HS6ST3: variants seen among roughly 807,000 people sequenced by gnomAD.
HS6ST3 encodes the protein heparan sulfate 6-O-sulfotransferase 3.
A neutral mutation model predicts 36.7 loss-of-function variants in HS6ST3; 12 were observed. The ratio of observed to expected loss-of-function variants is 0.33; its 90% CI spans 0.21 to 0.53. The LOEUF is 0.53. Ranked by LOEUF, HS6ST3 falls within the 20% of genes least tolerant of loss-of-function variation. HS6ST3 has a pLI of 0.95. For missense variants in HS6ST3, 584 were observed against 640.9 expected (o/e 0.91, Z 0.96); for synonymous variants, 240 against 257.5 (o/e 0.93, Z 0.65).
intron 1 of HS6ST3, among the ~76,000 whole-genome samples, chr13:96,241,072 A>G (rs1415605623): frequency 3.9e-5 from 6 of 152,026 alleles, no homozygotes; most frequent in Non-Finnish European, 7.4e-5. Context: ...AAGCAATAGC[A>G]TTTATATTGG....
At chr13:96,173,417 T>C (rs1426160131) in intron 1 of HS6ST3, among the ~76,000 whole-genome samples, 2 of 152,154 alleles carry the variant, frequency 1.3e-5, no homozygotes, top group African/African-American at 4.8e-5. Flanking sequence ...GTGTGTGAAT[T>C]GATATGTCAT....
chr13:96,111,716 TA>T (rs1224023778), intron 1 of HS6ST3, among the ~76,000 whole-genome samples: 2 of 152,128 alleles, frequency 1.3e-5, no homozygotes, highest in African/African-American at 4.8e-5. Context: ...ATATCAGCAA[TA>T]AGCAACTAGA....
intron 1 of HS6ST3, among the ~76,000 whole-genome samples, chr13:96,215,543 G>T (rs1034972999): frequency 6.6e-6 from 1 of 152,074 alleles, no homozygotes; most frequent in Non-Finnish European, 1.5e-5. Context: ...AAAGACTTAA[G>T]GGGAAGCCAT....
rs957777577 is a variant in HS6ST3 at position 96,625,843 on chromosome 13, T to C, written c.708-206647T>C. On this transcript the variant is annotated intron_variant, in intron 1 of 1. Coordinates refer to ENST00000376705, the MANE Select transcript of HS6ST3 (RefSeq NM_153456.4). Reference sequence around the variant, plus strand: ...TTTGTAAAGAGAAATTCTTCTTCTTTTTTTTTTTTTTATTCGAGACGGAGT... The same window carrying C: ...TTTGTAAAGAGAAATTCTTCTTCTTCTTTTTTTTTTTATTCGAGACGGAGT... Among the ~76,000 whole-genome samples, 12 of 151,046 alleles carry C rather than the reference T, an allele frequency of 7.9e-5. No individual in the cohort carries two copies. The East Asian group carries it at 9.7e-4, about 12-fold the overall frequency.
At chr13:96,752,077 G>C (rs1594851914) in intron 1 of HS6ST3, among the ~76,000 whole-genome samples, 1 of 151,658 alleles carries the variant, frequency 6.6e-6, no homozygotes, top group East Asian at 1.9e-4. Context: ...ATCATTTCTT[G>C]TTTTATAAAA....
chr13:96,638,228 G>C (rs892713973), intron 1 of HS6ST3, among the ~76,000 whole-genome samples: 1 of 152,056 alleles, frequency 6.6e-6, no homozygotes, highest in Non-Finnish European at 1.5e-5. Flanking sequence ...AAAAAGTCCT[G>C]TGAAGTAAGA....
chr13:96,516,982 A>G (rs1010273075), intron 1 of HS6ST3, among the ~76,000 whole-genome samples: 12 of 152,216 alleles, frequency 7.9e-5, no homozygotes, highest in African/African-American at 2.9e-4. Context: ...ACACATGGGC[A>G]GGCTCTTTTT....
chr13:96,460,565 G>T (rs1273653030), intron 1 of HS6ST3, among the ~76,000 whole-genome samples: 1 of 152,068 alleles, frequency 6.6e-6, no homozygotes, highest in African/African-American at 2.4e-5. Context: ...CTGTTGGCCT[G>T]GTCTATACAC....
At chr13:96,284,051 C>T (rs533162294) in intron 1 of HS6ST3, among the ~76,000 whole-genome samples, 9 of 152,242 alleles carry the variant, frequency 5.9e-5, no homozygotes, top group African/African-American at 2.2e-4. Flanking sequence ...CAAATCTTAA[C>T]AGAAAGATGG....
chr13:96,235,490 T>C (rs893590952), intron 1 of HS6ST3, among the ~76,000 whole-genome samples: 2 of 152,186 alleles, frequency 1.3e-5, no homozygotes, highest in Non-Finnish European at 2.9e-5. Context: ...AAATGGGTCA[T>C]AGGGGAGTAA....
chr13:96,671,035 A>ACTTAGGGGT (rs1486666191), intron 1 of HS6ST3, among the ~76,000 whole-genome samples: 5 of 152,122 alleles, frequency 3.3e-5, no homozygotes, highest in Non-Finnish European at 5.9e-5. Context: ...TTTACTGAAC[A>ACTTAGGGGT]CTTAGGGGTA....
At chr13:96,156,160 C>T (rs898516499) in intron 1 of HS6ST3, among the ~76,000 whole-genome samples, 3 of 152,056 alleles carry the variant, frequency 2.0e-5, no homozygotes, top group East Asian at 1.9e-4. Flanking sequence ...CATAGAAGCC[C>T]GTTGAGGAAG....
At chr13:96,438,484 T>A (rs555852379) in intron 1 of HS6ST3, among the ~76,000 whole-genome samples, 1 of 152,300 alleles carries the variant, frequency 6.6e-6, no homozygotes, top group South Asian at 2.1e-4. Context: ...TAATTTCTAG[T>A]CTGGTGTTCT....
intron 1 of HS6ST3, among the ~76,000 whole-genome samples, chr13:96,414,622 A>G (rs1450828666): frequency 1.3e-5 from 2 of 152,112 alleles, no homozygotes; most frequent in Non-Finnish European, 2.9e-5. Context: ...AGCTGGGATT[A>G]CTGGCGCCTG....
chr13:96,246,916 A>G (rs902888193), intron 1 of HS6ST3, among the ~76,000 whole-genome samples: 2 of 152,100 alleles, frequency 1.3e-5, no homozygotes, highest in African/African-American at 4.8e-5. Context: ...ATGGTAATTG[A>G]TTTTGCTTAG....
chr13:96,139,692 A>G (rs1039198958), intron 1 of HS6ST3, among the ~76,000 whole-genome samples: 3 of 151,968 alleles, frequency 2.0e-5, no homozygotes, highest in Admixed American at 6.6e-5. Context: ...TTTGCATAGG[A>G]CTACAGTGTA....
At chr13:96,323,646 G>A (rs2055015836) in intron 1 of HS6ST3, among the ~76,000 whole-genome samples, 1 of 151,946 alleles carries the variant, frequency 6.6e-6, no homozygotes, top group Admixed American at 6.6e-5. Context: ...CCTTCCTGGA[G>A]CCCTGGCCCC....
chr13:96,475,475 C>T (rs562717848), intron 1 of HS6ST3, among the ~76,000 whole-genome samples: 8 of 152,078 alleles, frequency 5.3e-5, no homozygotes, highest in African/African-American at 1.9e-4. Context: ...CTAGTTTTCA[C>T]AAGTTTTCTT....
At chr13:96,639,338 T>G (rs1296458537) in intron 1 of HS6ST3, among the ~76,000 whole-genome samples, 1 of 152,012 alleles carries the variant, frequency 6.6e-6, no homozygotes, top group Admixed American at 6.6e-5. Context: ...CTGCTGTTAG[T>G]ATAACCACTC....
Sources: allele counts gnomAD v4.1 joint callset (sites outside exome capture counted in the v4.1 genomes callset), GRCh38; gene constraint gnomAD v4.1.1; transcripts MANE v1.5; gene names NCBI Gene and HGNC (gene_info 2026-07-23, HGNC 2026-07-21).